Variants in SEMA6D observed in about 807,000 individuals in gnomAD.
SEMA6D encodes semaphorin 6D.
SEMA6D carries 35 observed loss-of-function variants against 106.6 expected under a neutral mutation model. The ratio of observed to expected loss-of-function variants is 0.33; its 90% CI spans 0.25 to 0.44. The LOEUF is 0.44. Among genes scored for constraint, SEMA6D ranks in the 20% least tolerant of loss-of-function variants. The pLI is 1.00. For missense variants in SEMA6D, 1,185 were observed against 1,345.9 expected (o/e 0.88, Z 1.87); for synonymous variants, 499 against 487.7 (o/e 1.02, Z -0.31).
intron 3 of SEMA6D, among the ~76,000 whole-genome samples, chr15:47,587,179 G>T (rs971473108): frequency 1.3e-5 from 2 of 152,182 alleles, no homozygotes; most frequent in African/African-American, 4.8e-5. Context: ...AAGGAGGCAG[G>T]CTGGCTGGGA....
chr15:47,373,341 A>G (rs2039342158), intron 1 of SEMA6D, among the ~76,000 whole-genome samples: 1 of 152,196 alleles, frequency 6.6e-6, no homozygotes, highest in Non-Finnish European at 1.5e-5. Context: ...TTTTTAAAAG[A>G]AACTTGGACA....
chr15:47,599,792 T>C (rs1357952412), intron 3 of SEMA6D, among the ~76,000 whole-genome samples: 2 of 152,106 alleles, frequency 1.3e-5, no homozygotes, highest in African/African-American at 4.8e-5. Context: ...GCTAAGAACA[T>C]TCCAGGTGAA....
chr15:47,761,838 T>TTAGATCAAGG, intron 7 of SEMA6D, 87 bp downstream of exon 7: 2 of 1,126,118 alleles, frequency 1.8e-6, no homozygotes, highest in Non-Finnish European at 2.6e-6. Flanking sequence ...AGTTAATAAC[T>TTAGATCAAGG]TGGATACCCA....
chr15:47,261,734 C>T (rs912019886), intron 1 of SEMA6D, among the ~76,000 whole-genome samples: 3 of 152,126 alleles, frequency 2.0e-5, no homozygotes, highest in African/African-American at 7.2e-5. Flanking sequence ...TATGGATGTG[C>T]CTATTTTTTA....
At chr15:47,534,979 A>G (rs2045106243) in intron 3 of SEMA6D, among the ~76,000 whole-genome samples, 1 of 151,852 alleles carries the variant, frequency 6.6e-6, no homozygotes, top group Admixed American at 6.6e-5. Flanking sequence ...AAATAGACAT[A>G]ATGTAGAACA....
Position 47,765,950 on chromosome 15 carries a change from C to T in SEMA6D, c.1509C>T (p.Phe503=). ...DKDHHALYVA[F]SSCIIRIPLS... ...ATCACCACGCTTTATATGTGGCGTT[C>T]TCTAGCTGCATTATCCGCATCCCCC... The change falls in exon 14 of 19, where the codon TTC becomes TTT. Residue 503 remains phenylalanine (F), a synonymous_variant. Transcript: ENST00000536845. The T allele has an allele frequency of 6.3e-7, 1 of 1,588,332 alleles. No individual in the cohort carries two copies. Among genetic ancestry groups the T allele is most frequent in the Non-Finnish European group, 8.6e-7 (1 of 1,167,888 alleles).
At chr15:47,411,286 G>C (rs908398393) in intron 1 of SEMA6D, among the ~76,000 whole-genome samples, 2 of 151,824 alleles carry the variant, frequency 1.3e-5, no homozygotes, top group African/African-American at 4.8e-5. Flanking sequence ...TAGCAGAGAC[G>C]GGGTTTCGCT....
At chr15:47,523,821 GTCAAT>G (rs1217474084) in intron 3 of SEMA6D, among the ~76,000 whole-genome samples, 1 of 152,110 alleles carries the variant, frequency 6.6e-6, no homozygotes, top group Non-Finnish European at 1.5e-5. Flanking sequence ...AGGAAATTGT[GTCAAT>G]TCATTTGGAC....
chr15:47,457,595 A>G (rs1214436259), intron 2 of SEMA6D, among the ~76,000 whole-genome samples: 7 of 151,988 alleles, frequency 4.6e-5, no homozygotes, highest in Admixed American at 4.6e-4. Context: ...AAGATTAGAC[A>G]CTACATAAGA....
At chr15:47,730,058 T>TTTTAG (rs796071954) in intron 1 of SEMA6D, 10 of 666,692 alleles carry the variant, frequency 1.5e-5, no homozygotes, top group Middle Eastern at 4.1e-4. Context: ...TCCCATTTTA[T>TTTTAG]TTTAGTTTAG....
intron 1 of SEMA6D, among the ~76,000 whole-genome samples, chr15:47,310,478 A>T (rs944472332): frequency 2.6e-5 from 4 of 152,188 alleles, no homozygotes; most frequent in African/African-American, 9.6e-5. Flanking sequence ...ATTTGTTCCC[A>T]TGGTTTATTC....
At chr15:47,357,707 T>C (rs1393864471) in intron 1 of SEMA6D, among the ~76,000 whole-genome samples, 1 of 152,118 alleles carries the variant, frequency 6.6e-6, no homozygotes, top group Non-Finnish European at 1.5e-5. Flanking sequence ...GGGTCTGCCT[T>C]TCCCAGCCCA....
chr15:47,612,639 G>T (rs1252065882), intron 4 of SEMA6D, among the ~76,000 whole-genome samples: 2 of 152,134 alleles, frequency 1.3e-5, no homozygotes, highest in African/African-American at 4.8e-5. Context: ...ATTGTATCTG[G>T]GCTTAGAAAA....
At chr15:47,278,866 A>G (rs1162442113) in intron 1 of SEMA6D, among the ~76,000 whole-genome samples, 3 of 147,514 alleles carry the variant, frequency 2.0e-5, no homozygotes, top group Non-Finnish European at 4.5e-5. Flanking sequence ...TTTATTAAAT[A>G]GGGAATCCTT....
chr15:47,592,816 T>G (rs2076463546), intron 3 of SEMA6D, among the ~76,000 whole-genome samples: 1 of 152,246 alleles, frequency 6.6e-6, no homozygotes, highest in Non-Finnish European at 1.5e-5. Context: ...TTATTCATCG[T>G]AACTGCATAT....
chr15:47,395,661 C>T (rs1346138109), intron 1 of SEMA6D: 1 of 152,216 alleles, frequency 6.6e-6, no homozygotes, highest in Non-Finnish European at 1.5e-5. Flanking sequence ...CCTCCAAGTC[C>T]ACCACCAGGC....
At position 47,414,780 on chromosome 15, in the gene SEMA6D, G is replaced by T. The variant is rs1007192341; in HGVS notation, c.-159+2308G>T. Among the ~76,000 whole-genome samples the T allele has an allele frequency of 3.3e-5, 5 of 152,070 alleles. No individual in the cohort carries two copies. In the East Asian group the frequency reaches 5.8e-4, roughly 18 times the overall value. On this transcript the variant is annotated intron_variant, in intron 2 of 19. Coordinates refer to the SEMA6D transcript ENST00000558014. ...CTGTTGAACAGATAGACTTGTTTGA[G>T]AAATAATATAATCATGTAGAGTGAC... is the stretch of plus-strand genomic sequence containing the variant.
At chr15:47,282,685 G>C (rs2035181065) in intron 1 of SEMA6D, among the ~76,000 whole-genome samples, 1 of 152,130 alleles carries the variant, frequency 6.6e-6, no homozygotes, top group African/African-American at 2.4e-5. Flanking sequence ...AACAGAAGGT[G>C]ATAGCACATT....
At chr15:47,459,869 T>C (rs990870924) in intron 2 of SEMA6D, among the ~76,000 whole-genome samples, 1 of 152,060 alleles carries the variant, frequency 6.6e-6, no homozygotes, top group Non-Finnish European at 1.5e-5. Flanking sequence ...GTTTAAAATA[T>C]ACTGTATTTG....
Sources: gnomAD v4.1 joint callset for allele counts (sites outside exome capture counted in the v4.1 genomes callset) on GRCh38, gnomAD v4.1.1 for gene constraint, MANE v1.5 for transcripts, NCBI Gene and HGNC (gene_info 2026-07-23, HGNC 2026-07-21) for gene names.